Variants in KLRC1 observed in about 807,000 individuals in gnomAD.
KLRC1 encodes the protein killer cell lectin like receptor C1.
A neutral mutation model predicts 25.9 loss-of-function variants in KLRC1; 22 were observed. The observed-to-expected ratio is 0.85, with a 90% CI of 0.61 to 1.21. KLRC1 has a LOEUF of 1.21. Among genes scored for constraint, KLRC1 ranks in the 50% most tolerant of loss-of-function variants. The pLI is 0.00. For missense variants in KLRC1, 240 were observed against 272.2 expected (o/e 0.88, Z 0.83); for synonymous variants, 77 against 93.1 (o/e 0.83, Z 0.99).
chr12:10,453,515 C>T, upstream of KLRC1: 2 of 286,698 alleles, frequency 7.0e-6, no homozygotes, highest in Non-Finnish European at 1.0e-5. Context: ...ACAAGGTTGA[C>T]TTTGAAAGTG....
chr12:10,450,977 G>C lies in KLRC1; in HGVS notation c.180C>G (p.His60Gln). ...ATCTTTTAAATGCTTTACCTTTGCA[G>C]TGATAGGTTTTGTCATTCCCTTGAA... Reference protein sequence around the residue: ...QDFQGNDKTYHCKDLPSAPEK... With the variant: ...QDFQGNDKTYQCKDLPSAPEK... Residue 60 changes from histidine to glutamine, a missense_variant, in exon 2 of 7, where the codon CAC becomes CAG. By Grantham distance (24) the His-to-Gln change is conservative. Transcript: ENST00000359151. 6.2e-7 allele frequency: 1 copy of C among 1,608,944 alleles called. No individual in the cohort carries two copies. Among genetic ancestry groups the C allele is most frequent in the Non-Finnish European group, 8.5e-7 (1 of 1,176,820 alleles).
At position 10,446,358 on chromosome 12, in the gene KLRC1, A is replaced by G. The variant is rs137892458; in HGVS notation, c.*193T>C. The G allele has an allele frequency of 1.2e-3, 1,578 of 1,354,674 alleles. 7 individuals are homozygous for G. The highest frequency in any genetic ancestry group is 0.011 in the Middle Eastern group (40 of 3,510). 83.9% of individuals were successfully genotyped at this position (1,354,674 alleles called of 1,614,324 possible). On this transcript the variant is annotated 3_prime_UTR_variant, in exon 7 of 7. Coordinates refer to ENST00000359151, the MANE Select transcript of KLRC1 (RefSeq NM_002259.5). ...AAAACCACAAATACCATGTTGAGCA[A>G]AATGAGCCCGACACAAATGCTAGGA... is the stretch of plus-strand genomic sequence containing the variant.
At chr12:10,450,685 T>C in intron 2 of KLRC1, 106 bp from the exon 3 acceptor site, 1 of 727,426 alleles carries the variant, frequency 1.4e-6, no homozygotes, top group Admixed American at 2.5e-5. Flanking sequence ...ACAGAGAAAC[T>C]TGGACCCCAA....
At chr12:10,443,129 C>T (rs1240389633), downstream of KLRC1, among the ~76,000 whole-genome samples, 3 of 140,244 alleles carry the variant, frequency 2.1e-5, no homozygotes, top group East Asian at 4.2e-4. Flanking sequence ...TTTAATTGTA[C>T]TTTTAAAAAT....
chr12:10,451,275 T>C, intron 1 of KLRC1, 88 bp from the exon 2 acceptor site: 2 of 638,504 alleles, frequency 3.1e-6, no homozygotes, highest in South Asian at 5.9e-5. Flanking sequence ...AGAACGAGTA[T>C]TGGAGCTCAT....
At chr12:10,450,078 A>T in intron 3 of KLRC1, 111 bp from the exon 4 acceptor site, 1 of 861,476 alleles carries the variant, frequency 1.2e-6, no homozygotes, top group Non-Finnish European at 1.6e-6. Flanking sequence ...AATAATATGG[A>T]ATAAAATTGA....
chr12:10,453,129 T>C, intron 1 of KLRC1, 69 bp downstream of exon 1: 2 of 601,502 alleles, frequency 3.3e-6, no homozygotes, highest in Non-Finnish European at 4.2e-6. Context: ...CTTTGTATCA[T>C]ATTGAGCACT....
chr12:10,447,276 A>C (rs1864007852), intron 6 of KLRC1: 1 of 329,378 alleles, frequency 3.0e-6, no homozygotes, highest in African/African-American at 2.1e-5. Context: ...GTGTGGCCCA[A>C]GACTCTTCTT....
Position 10,446,526 on chromosome 12 carries a change from C to T in KLRC1, c.*25G>A, listed in dbSNP as rs753492999. The T allele has an allele frequency of 3.2e-6, 5 of 1,584,796 alleles. No homozygotes were observed. Among genetic ancestry groups the T allele is most frequent in the Admixed American group, 3.5e-5 (2 of 57,270 alleles). ...TAAGAAATATACAATTTATCTGATG[C>T]ACTGCAAATGCAAACGCTTTACCTC... is the stretch of plus-strand genomic sequence containing the variant. On this transcript the variant is annotated 3_prime_UTR_variant, in exon 7 of 7. Transcript: ENST00000359151.
upstream of KLRC1, chr12:10,454,631 C>T (rs982379225): frequency 1.0e-6 from 1 of 985,198 alleles, no homozygotes; most frequent in African/African-American, 1.7e-5. Context: ...TGACCTCTGT[C>T]CTACAGAAGA....
rs1463887146 is a variant in KLRC1 at position 10,446,096 on chromosome 12, T to C, written c.*455A>G. The C allele has an allele frequency of 1.4e-5, 2 of 139,820 alleles. No homozygotes were observed. The highest frequency in any genetic ancestry group is 3.0e-5 in the Non-Finnish European group (2 of 67,334). 8.7% of individuals were successfully genotyped at this position (139,820 alleles called of 1,614,324 possible). ...AAGCATACATTTCATGCACTTAAAA[T>C]GATTAAAAATCAATGATGTTTAGTA... On this transcript the variant is annotated 3_prime_UTR_variant, in exon 7 of 7. Coordinates refer to ENST00000359151, the MANE Select transcript of KLRC1 (RefSeq NM_002259.5).
At chr12:10,450,806 TTCAA>T (rs1218747117) in intron 2 of KLRC1, among the ~76,000 whole-genome samples, 160 bp downstream of exon 2, 1 of 152,048 alleles carries the variant, frequency 6.6e-6, no homozygotes, top group Non-Finnish European at 1.5e-5. Flanking sequence ...CAACAATGAG[TTCAA>T]TCAGTCTTCA....
intron 1 of KLRC1, 60 bp from the exon 2 acceptor site, chr12:10,451,247 A>G (rs1565513823): frequency 2.1e-6 from 2 of 975,068 alleles, no homozygotes; most frequent in South Asian, 3.3e-5. Context: ...CCCTAGTGCA[A>G]TTAAAAGGGT....
chr12:10,450,361 C>A, intron 3 of KLRC1, 123 bp downstream of exon 3: 1 of 587,384 alleles, frequency 1.7e-6, no homozygotes. Flanking sequence ...ATAATCATTC[C>A]ACATTTAGTC....
intron 3 of KLRC1, 146 bp downstream of exon 3, chr12:10,450,338 T>G (rs556208559): frequency 1.8e-6 from 1 of 542,166 alleles, no homozygotes; most frequent in South Asian, 3.1e-5. Flanking sequence ...ATTTATTCTT[T>G]GACAAATTCA....
At chr12:10,448,622 G>T (rs1864048214) in intron 5 of KLRC1, among the ~76,000 whole-genome samples, 1 of 152,082 alleles carries the variant, frequency 6.6e-6, no homozygotes, top group African/African-American at 2.4e-5. Flanking sequence ...AGAGACACAG[G>T]ATTGAATGGA....
chr12:10,446,541 C>T lies in KLRC1; in HGVS notation c.*10G>A, dbSNP rs771880793. 3.2e-5 allele frequency: 52 copies of T among 1,607,048 alleles called. No homozygotes were observed. Among genetic ancestry groups the T allele is most frequent in the Middle Eastern group, 1.7e-4 (1 of 6,024 alleles). On this transcript the variant is annotated 3_prime_UTR_variant, in exon 7 of 7. Coordinates refer to ENST00000359151, the MANE Select transcript of KLRC1 (RefSeq NM_002259.5). ...TTATCTGATGCACTGCAAATGCAAACGCTTTACCTCTAAAGCTTATGCTTA... is the reference window on the plus strand; with the variant it reads ...TTATCTGATGCACTGCAAATGCAAATGCTTTACCTCTAAAGCTTATGCTTA...
At chr12:10,453,129 T>A (rs1431225511) in intron 1 of KLRC1, 69 bp downstream of exon 1, 1 of 601,384 alleles carries the variant, frequency 1.7e-6, no homozygotes, top group Non-Finnish European at 2.1e-6. Flanking sequence ...CTTTGTATCA[T>A]ATTGAGCACT....
At position 10,447,644 on chromosome 12, in the gene KLRC1, G is replaced by T. The variant is rs1210340797; in HGVS notation, c.490-12C>A. ...ATGGACAGAAATTTCTAAAAGAAAA[G>T]AAAGAATTTTCACTTAAATAATAAT... On this transcript the variant is annotated splice_polypyrimidine_tract_variant and intron_variant, in intron 5 of 6. Coordinates refer to ENST00000359151, the MANE Select transcript of KLRC1 (RefSeq NM_002259.5). 9.5e-6 allele frequency: 15 copies of T among 1,572,018 alleles called. No individual in the cohort carries two copies. The highest frequency in any genetic ancestry group is 1.3e-5 in the Non-Finnish European group (15 of 1,153,922).
Sources: gnomAD v4.1 joint callset for allele counts (sites outside exome capture counted in the v4.1 genomes callset) on GRCh38, gnomAD v4.1.1 for gene constraint, MANE v1.5 for transcripts, NCBI Gene and HGNC (gene_info 2026-07-23, HGNC 2026-07-21) for gene names.